TTC27: variants seen among roughly 807,000 people sequenced by gnomAD.
TTC27 encodes the protein tetratricopeptide repeat protein 27.
In TTC27, 79 loss-of-function variants were observed where a neutral mutation model predicts 115.9. The observed-to-expected ratio is 0.68, with a 90% confidence interval of 0.57 to 0.82. The LOEUF is 0.82. TTC27 is among the 40% of genes least tolerant of loss of function. The pLI is 0.00. For synonymous variants in TTC27, 401 were observed against 356.0 expected, an observed-to-expected ratio of 1.13 and a Z score of -1.42; for missense variants, 1,054 against 993.1, an observed-to-expected ratio of 1.06 and a Z score of -0.82.
intron 12 of TTC27, among the ~76,000 whole-genome samples, chr2:32,757,941 A>G (rs1286563863): frequency 6.6e-6 from 1 of 152,182 alleles, no homozygotes; most frequent in Non-Finnish European, 1.5e-5. Context: ...ACCTCAGGCA[A>G]TCCACCCACC....
chr2:32,636,460 C>T (rs372947287), intron 3 of TTC27, among the ~76,000 whole-genome samples: 2 of 152,196 alleles, frequency 1.3e-5, no homozygotes, highest in East Asian at 1.9e-4. Flanking sequence ...GTGATCCACC[C>T]GCCTCGGCCT....
chr2:32,793,901 A>G (rs1558347269), intron 16 of TTC27, among the ~76,000 whole-genome samples: 1 of 152,164 alleles, frequency 6.6e-6, no homozygotes, highest in Non-Finnish European at 1.5e-5. Context: ...AACAGTTATT[A>G]GTCTAAAAGC....
intron 18 of TTC27, among the ~76,000 whole-genome samples, chr2:32,814,395 G>C (rs1334858961): frequency 2.0e-5 from 3 of 152,136 alleles, no homozygotes; most frequent in Non-Finnish European, 4.4e-5. Flanking sequence ...AACATTTTAA[G>C]CGTATTTGAG....
At chr2:32,814,177 C>T (rs1205484261) in intron 18 of TTC27, among the ~76,000 whole-genome samples, 2 of 152,184 alleles carry the variant, frequency 1.3e-5, no homozygotes, top group East Asian at 1.9e-4. Flanking sequence ...ATTTTCTGAA[C>T]TCACCAAGTA....
rs746270211 is a variant in TTC27, at chr2:32,758,406, C to T, written c.1567C>T (p.Arg523Trp). The change falls in exon 13 of 20, where the codon CGG becomes TGG. Residue 523 changes from arginine to tryptophan, a missense_variant. Transcript: ENST00000317907. Reference sequence around the variant, plus strand: ...CTATGACAAGGCCTGGGAGTTGTCCCGGTACCGCAGTGCTCGTGCTCAGCG... The same window carrying T: ...CTATGACAAGGCCTGGGAGTTGTCCTGGTACCGCAGTGCTCGTGCTCAGCG... Reference protein sequence around the residue: ...SCYDKAWELSRYRSARAQRSK... With the variant: ...SCYDKAWELSWYRSARAQRSK... 2.0e-5 allele frequency: 32 copies of T among 1,614,028 alleles called. No homozygotes were observed. The highest frequency in any genetic ancestry group is 5.0e-5 in the Admixed American group (3 of 59,994).
chr2:32,742,213 C>T (rs532681661), intron 12 of TTC27, among the ~76,000 whole-genome samples: 78 of 152,280 alleles, frequency 5.1e-4, no homozygotes, highest in Admixed American at 3.6e-3. Flanking sequence ...CCACAACTGC[C>T]TCCCATCATG....
At chr2:32,690,300 A>G (rs1666768427) in intron 9 of TTC27, among the ~76,000 whole-genome samples, 1 of 152,236 alleles carries the variant, frequency 6.6e-6, no homozygotes. Flanking sequence ...TTAATGGCAG[A>G]AGATCCAGAG....
At chr2:32,705,305 C>A (rs1026666053) in intron 10 of TTC27, among the ~76,000 whole-genome samples, 2 of 152,116 alleles carry the variant, frequency 1.3e-5, no homozygotes, top group African/African-American at 2.4e-5. Context: ...GCTTGTACAG[C>A]CTGCAGAACC....
At chr2:32,729,971 A>T (rs1028992042) in intron 10 of TTC27, among the ~76,000 whole-genome samples, 1 of 152,168 alleles carries the variant, frequency 6.6e-6, no homozygotes, top group Non-Finnish European at 1.5e-5. Context: ...TTTGGAGACC[A>T]TTTACCTAAA....
intron 14 of TTC27, among the ~76,000 whole-genome samples, chr2:32,780,654 A>G (rs753436642): frequency 2.6e-5 from 4 of 152,048 alleles, no homozygotes; most frequent in Non-Finnish European, 5.9e-5. Flanking sequence ...TGGCCAGACT[A>G]GTCTCAAACT....
At chr2:32,789,921 C>CAGA (rs764452010) in intron 16 of TTC27, among the ~76,000 whole-genome samples, 2 of 25,938 alleles carry the variant, frequency 7.7e-5, no homozygotes, top group South Asian at 4.3e-3. Context: ...ACCCTGTCTC[C>CAGA]AAAAAAAAAA....
At chr2:32,695,624 C>A (rs1666957381) in intron 9 of TTC27, among the ~76,000 whole-genome samples, 1 of 144,264 alleles carries the variant, frequency 6.9e-6, no homozygotes, top group African/African-American at 2.6e-5. Flanking sequence ...GAGGCTGAGA[C>A]AGAAGAATCA....
At chr2:32,642,538 C>A (rs1664691306) in intron 4 of TTC27, among the ~76,000 whole-genome samples, 1 of 152,156 alleles carries the variant, frequency 6.6e-6, no homozygotes, top group South Asian at 2.1e-4. Flanking sequence ...CAGGCATGAG[C>A]CACCGCACCT....
At chr2:32,809,255 G>A (rs147899194) in intron 16 of TTC27, among the ~76,000 whole-genome samples, 110 of 152,322 alleles carry the variant, frequency 7.2e-4, no homozygotes, top group Non-Finnish European at 1.4e-3. Context: ...TCTCAGCTAC[G>A]CTTTCTGAAA....
chr2:32,648,555 G>A (rs772093010), intron 4 of TTC27, among the ~76,000 whole-genome samples: 3 of 151,056 alleles, frequency 2.0e-5, no homozygotes, highest in Non-Finnish European at 4.4e-5. Context: ...GGGATTATAG[G>A]TGTGAGGTAC....
At chr2:32,813,442 T>C (rs1021120452) in intron 18 of TTC27, among the ~76,000 whole-genome samples, 5 of 152,240 alleles carry the variant, frequency 3.3e-5, no homozygotes, top group Non-Finnish European at 7.3e-5. Flanking sequence ...TATCACATGC[T>C]TGCTAGTTGA....
chr2:32,794,438 A>G (rs1423532291), intron 16 of TTC27, among the ~76,000 whole-genome samples: 1 of 152,236 alleles, frequency 6.6e-6, no homozygotes, highest in Non-Finnish European at 1.5e-5. Flanking sequence ...CTTGTAGGAC[A>G]CAGCGAAAGC....
At chr2:32,720,599 T>C (rs1254713164) in intron 10 of TTC27, among the ~76,000 whole-genome samples, 2 of 152,172 alleles carry the variant, frequency 1.3e-5, no homozygotes. Flanking sequence ...TGGTTGTATT[T>C]TTTTAAGGGA....
chr2:32,820,743 A>G (rs966547580), intron 19 of TTC27, 73 bp from the exon 20 acceptor site: 88 of 1,380,278 alleles, frequency 6.4e-5, no homozygotes, highest in African/African-American at 8.7e-5. Context: ...TTTTAACTCT[A>G]TACTCTGTAT....
Sources: gnomAD v4.1 joint callset for allele counts (sites outside exome capture counted in the v4.1 genomes callset) on GRCh38, gnomAD v4.1.1 for gene constraint, MANE v1.5 for transcripts, NCBI Gene and HGNC (gene_info 2026-07-23, HGNC 2026-07-21) for gene names.